Variants in SCAP observed in about 807,000 individuals in gnomAD.
SCAP encodes sterol regulatory element-binding protein cleavage-activating protein.
SCAP carries 65 observed loss-of-function variants against 123.6 expected under a neutral mutation model. The observed-to-expected ratio is 0.53, with a 90% CI of 0.43 to 0.65. SCAP has a LOEUF of 0.65. Among genes scored for constraint, SCAP ranks in the 30% least tolerant of loss-of-function variants. SCAP has a pLI of 0.00. For missense variants in SCAP, 1,398 were observed against 1,712.5 expected, an observed-to-expected ratio of 0.82 and a Z score of 3.24; for synonymous variants, 740 against 726.3, an observed-to-expected ratio of 1.02 and a Z score of -0.30.
chr3:47,469,801 G>C, intron 1 of SCAP: 1 of 565,052 alleles, frequency 1.8e-6, no homozygotes, highest in Admixed American at 2.0e-5. Context: ...ACAAGGAAGA[G>C]ACTTGCAAGG....
At chr3:47,467,832 C>T (rs1044364580) in intron 1 of SCAP, among the ~76,000 whole-genome samples, 21 of 151,834 alleles carry the variant, frequency 1.4e-4, no homozygotes, top group Admixed American at 1.4e-3. Flanking sequence ...CCCGTTAACT[C>T]GTCATTTACA....
At chr3:47,423,383 A>G (rs1705992241) in intron 9 of SCAP, among the ~76,000 whole-genome samples, 1 of 152,222 alleles carries the variant, frequency 6.6e-6, no homozygotes, top group Non-Finnish European at 1.5e-5. Flanking sequence ...AAGAGAAAAT[A>G]CTAGGCGCTA....
chr3:47,465,374 T>C (rs1707785128), intron 1 of SCAP, among the ~76,000 whole-genome samples: 1 of 152,154 alleles, frequency 6.6e-6, no homozygotes, highest in Admixed American at 6.6e-5. Context: ...TTTCACCATG[T>C]TGGCCAGGCT....
At chr3:47,425,000 T>C (rs1706061913) in intron 8 of SCAP, among the ~76,000 whole-genome samples, 1 of 152,102 alleles carries the variant, frequency 6.6e-6, no homozygotes, top group East Asian at 1.9e-4. Flanking sequence ...GCTCATATCT[T>C]CCAAAGAGCT....
At position 47,434,996 on chromosome 3, in the gene SCAP, A is replaced by G. The variant is rs773189475; in HGVS notation, c.252+12T>C. 6.2e-7 allele frequency: 1 copy of G among 1,614,064 alleles called. No homozygotes were observed. The highest frequency in any genetic ancestry group is 8.5e-7 in the Non-Finnish European group (1 of 1,179,956). On this transcript the variant is annotated intron_variant, in intron 3 of 22. Transcript: ENST00000265565. Reference sequence around the variant, plus strand: ...GCTCTGTGCTGGCCTCAGGAACATGACGAGTACCCACCCACTCAGGCTGCT... The same window carrying G: ...GCTCTGTGCTGGCCTCAGGAACATGGCGAGTACCCACCCACTCAGGCTGCT...
In SCAP at chr3:47,425,487, G is replaced by A. The variant is rs1706084715; in HGVS notation, c.1035C>T (p.Gly345=). 4.3e-6 allele frequency: 7 copies of A among 1,613,418 alleles called. No homozygotes were observed. Among genetic ancestry groups the A allele is most frequent in the East Asian group, 4.5e-5 (2 of 44,900 alleles). Residue 345 remains glycine, a splice_region_variant and synonymous_variant, in exon 8 of 23, where the codon GGC becomes GGT. Coordinates refer to ENST00000265565, the MANE Select transcript of SCAP (RefSeq NM_012235.4). ...TLFGLTPTLN[G]GEIFPYLVVV... The stretch of plus-strand genomic sequence containing the variant: ...AGTGGAGCCTGCTAGGGACCTACCC[G>A]CCATTGAGGGTGGGCGTCAGGCCGA...
chr3:47,443,271 CA>C (rs1706884168), intron 1 of SCAP, 180 bp from the exon 2 acceptor site: 3 of 151,350 alleles, frequency 2.0e-5, no homozygotes, highest in African/African-American at 8.8e-5. Flanking sequence ...CACACACACA[CA>C]CACACTCTCT....
chr3:47,444,512 C>T (rs1706947702), intron 1 of SCAP, among the ~76,000 whole-genome samples: 1 of 152,192 alleles, frequency 6.6e-6, no homozygotes, highest in African/African-American at 2.4e-5. Flanking sequence ...CTCACTCTAT[C>T]GACCAGGCTG....
chr3:47,418,054 G>T, intron 16 of SCAP, 80 bp downstream of exon 16: 1 of 1,036,970 alleles, frequency 9.6e-7, no homozygotes, highest in South Asian at 1.4e-5. Flanking sequence ...GAGGAAGAAA[G>T]GAGGGGAGAT....
At chr3:47,460,530 T>G (rs953597528) in intron 1 of SCAP, among the ~76,000 whole-genome samples, 1 of 152,138 alleles carries the variant, frequency 6.6e-6, no homozygotes, top group Non-Finnish European at 1.5e-5. Context: ...CCACAACACT[T>G]CAAGAACTGT....
intron 1 of SCAP, among the ~76,000 whole-genome samples, chr3:47,467,028 G>A (rs993808121): frequency 2.6e-5 from 4 of 151,930 alleles, no homozygotes; most frequent in African/African-American, 9.7e-5. Flanking sequence ...AGGAAGTGGA[G>A]GCTGCAATGA....
At chr3:47,435,469 TAC>T (rs57702290) in intron 2 of SCAP, among the ~76,000 whole-genome samples, 28,325 of 91,060 alleles carry the variant, frequency 0.31, 2,897 homozygotes, top group South Asian at 0.42. Context: ...AATATAAACA[TAC>T]ACACACACAC....
chr3:47,424,953 A>G (rs1383117902), intron 8 of SCAP, among the ~76,000 whole-genome samples: 1 of 152,222 alleles, frequency 6.6e-6, no homozygotes, highest in African/African-American at 2.4e-5. Flanking sequence ...GCAAGGGGAA[A>G]GTAAACATCA....
chr3:47,456,050 G>A (rs1707412972), intron 1 of SCAP, among the ~76,000 whole-genome samples: 1 of 152,130 alleles, frequency 6.6e-6, no homozygotes, highest in Non-Finnish European at 1.5e-5. Flanking sequence ...CGCAACAAAA[G>A]GTGTTGCAAC....
At chr3:47,440,395 A>T (rs1706746850) in intron 2 of SCAP, among the ~76,000 whole-genome samples, 1 of 152,142 alleles carries the variant, frequency 6.6e-6, no homozygotes, top group Admixed American at 6.6e-5. Flanking sequence ...CAAGTCCCAG[A>T]ATCTATGGAT....
chr3:47,423,820 G>A (rs1278822695), intron 9 of SCAP, 113 bp downstream of exon 9: 4 of 771,842 alleles, frequency 5.2e-6, no homozygotes, highest in South Asian at 1.6e-5. Flanking sequence ...CCGGAGGCAA[G>A]AGCAAGGGAC....
chr3:47,452,744 T>C (rs1480990895), intron 1 of SCAP, among the ~76,000 whole-genome samples: 1 of 152,110 alleles, frequency 6.6e-6, no homozygotes, highest in Non-Finnish European at 1.5e-5. Flanking sequence ...GCCCAAGAGT[T>C]GCCTAAGTCA....
intron 2 of SCAP, 78 bp from the exon 3 acceptor site, chr3:47,435,215 G>A: frequency 6.9e-7 from 1 of 1,456,078 alleles, no homozygotes; most frequent in Non-Finnish European, 9.2e-7. Context: ...AGGAGCCACT[G>A]GAGTTAATAA....
chr3:47,456,697 G>A (rs572068868), intron 1 of SCAP, among the ~76,000 whole-genome samples: 1 of 151,892 alleles, frequency 6.6e-6, no homozygotes, highest in East Asian at 1.9e-4. Context: ...CCTGGGAGGC[G>A]GAGGTTGCAG....
Sources: gnomAD v4.1 joint callset for allele counts (sites outside exome capture counted in the v4.1 genomes callset) on GRCh38, gnomAD v4.1.1 for gene constraint, MANE v1.5 for transcripts, NCBI Gene and HGNC (gene_info 2026-07-23, HGNC 2026-07-21) for gene names.